Variants in PXDNL observed in about 807,000 individuals in gnomAD.
The protein encoded by PXDNL is probable oxidoreductase PXDNL.
A neutral mutation model predicts 150.8 loss-of-function variants in PXDNL; 145 were observed. The ratio of observed to expected loss-of-function variants is 0.96; its 90% CI spans 0.84 to 1.10. The LOEUF is 1.10. PXDNL is among the 50% of genes least tolerant of loss of function. The pLI, the probability that PXDNL is intolerant of heterozygous loss-of-function variation, is 0.00. For missense variants in PXDNL, 2,087 were observed against 1,873.9 expected, an observed-to-expected ratio of 1.11 and a Z score of -2.10; for synonymous variants, 757 against 725.7, an observed-to-expected ratio of 1.04 and a Z score of -0.69.
chr8:51,622,896 C>A (rs1814285468), intron 2 of PXDNL, among the ~76,000 whole-genome samples: 1 of 152,192 alleles, frequency 6.6e-6, no homozygotes, highest in Non-Finnish European at 1.5e-5. Flanking sequence ...GCCCAGCTCA[C>A]CCCAACATGG....
intron 12 of PXDNL, chr8:51,436,497 T>C: frequency 2.9e-6 from 1 of 339,660 alleles, no homozygotes. Flanking sequence ...AGATCCTTCT[T>C]CCATGTGATC....
At chr8:51,631,671 T>C (rs969567982) in intron 2 of PXDNL, among the ~76,000 whole-genome samples, 1 of 152,174 alleles carries the variant, frequency 6.6e-6, no homozygotes, top group Admixed American at 6.6e-5. Flanking sequence ...AGTCTTCTTT[T>C]GATTTCCCAT....
chr8:51,521,302 A>G (rs2915452), intron 4 of PXDNL, among the ~76,000 whole-genome samples: 2,313 of 147,738 alleles, frequency 0.016, 29 homozygotes, highest in South Asian at 0.037. Context: ...AAGACTAGAT[A>G]GATAATCTCA....
intron 2 of PXDNL, among the ~76,000 whole-genome samples, chr8:51,644,636 T>C (rs1167737456): frequency 6.6e-6 from 1 of 151,100 alleles, no homozygotes; most frequent in Non-Finnish European, 1.5e-5. Context: ...TTTTTGTATT[T>C]TTAGTAGAGA....
chr8:51,645,518 T>C (rs990775613), intron 2 of PXDNL, among the ~76,000 whole-genome samples: 6 of 152,208 alleles, frequency 3.9e-5, no homozygotes, highest in Non-Finnish European at 7.3e-5. Context: ...TAATTAGCTT[T>C]GGCTGTAGGT....
At chr8:51,801,679 G>A (rs532815476) in intron 1 of PXDNL, among the ~76,000 whole-genome samples, 71 of 152,308 alleles carry the variant, frequency 4.7e-4, no homozygotes, top group African/African-American at 1.6e-3. Context: ...AAAGAACAGT[G>A]TGCACAAAGC....
At chr8:51,473,478 A>G (rs147074896) in intron 7 of PXDNL, among the ~76,000 whole-genome samples, 148 of 152,290 alleles carry the variant, frequency 9.7e-4, no homozygotes, top group African/African-American at 3.2e-3. Flanking sequence ...GACCATTAAA[A>G]GAAGTAGAAT....
chr8:51,799,836 G>GT (rs576933691), intron 1 of PXDNL, among the ~76,000 whole-genome samples: 48 of 152,208 alleles, frequency 3.2e-4, no homozygotes, highest in African/African-American at 1.1e-3. Flanking sequence ...GGAGATCTTT[G>GT]TAAGTTTCTC....
Position 51,809,352 on chromosome 8 carries a change from TTC to T in PXDNL, c.-10_-9del, listed in dbSNP as rs774891241. 8 of 1,523,898 alleles carry T rather than the reference TTC, an allele frequency of 5.2e-6. No individual in the cohort carries two copies. The South Asian group carries it at 8.7e-5, about 17-fold the overall frequency. The allele number at this position is 1,523,898 out of a possible 1,614,324, so 94.4% of individuals were successfully genotyped here. ...GAACAGTCTGGGCTCCATCGCTCCA[TTC>T]GCTGCTGGCCACGCGAAGAAGCAGC... On this transcript the variant is annotated 5_prime_UTR_variant, in exon 1 of 23. Transcript: ENST00000356297.
chr8:51,395,918 G>A (rs1808067892), intron 17 of PXDNL, among the ~76,000 whole-genome samples: 1 of 152,102 alleles, frequency 6.6e-6, no homozygotes, highest in African/African-American at 2.4e-5. Context: ...CTGAGTAATG[G>A]GACTGTCACA....
At chr8:51,621,730 A>G (rs762361531) in intron 2 of PXDNL, among the ~76,000 whole-genome samples, 6 of 152,138 alleles carry the variant, frequency 3.9e-5, no homozygotes, top group Non-Finnish European at 7.4e-5. Flanking sequence ...ACTTGAGCCC[A>G]GGAGTTTGAG....
rs117650658 is a variant in PXDNL, at chr8:51,684,289, T to C, written c.165-29529A>G. On this transcript the variant is annotated intron_variant, in intron 1 of 22. Transcript: ENST00000356297. ...AAGACTAGGATTTACCAGGTCTGAT[T>C]AAGTATTCCATCGTCACCATGAACA... Among the ~76,000 whole-genome samples, 817 of 152,338 alleles carry C rather than the reference T, an allele frequency of 5.4e-3. 8 individuals are homozygous for C. The highest frequency in any genetic ancestry group is 0.014 in the Middle Eastern group (4 of 294).
chr8:51,556,987 C>T (rs1358565607), intron 3 of PXDNL, 76 bp from the exon 4 acceptor site: 1 of 852,486 alleles, frequency 1.2e-6, no homozygotes, highest in Non-Finnish European at 1.9e-6. Context: ...ACTTTTTAAA[C>T]TATAAGCTGT....
intron 14 of PXDNL, among the ~76,000 whole-genome samples, chr8:51,414,736 G>T (rs1343957902): frequency 6.6e-6 from 1 of 152,112 alleles, no homozygotes; most frequent in Non-Finnish European, 1.5e-5. Context: ...GACAATATTT[G>T]CAATCTCAAA....
chr8:51,576,570 CA>C (rs1402246228), intron 3 of PXDNL, among the ~76,000 whole-genome samples: 1 of 151,524 alleles, frequency 6.6e-6, no homozygotes, highest in African/African-American at 2.4e-5. Flanking sequence ...TATAAAAGAG[CA>C]AAAGTTTTGA....
chr8:51,692,184 A>G (rs1037969399), intron 1 of PXDNL, among the ~76,000 whole-genome samples: 1 of 152,208 alleles, frequency 6.6e-6, no homozygotes, highest in African/African-American at 2.4e-5. Context: ...AACGTGTGCT[A>G]TATTACAAAA....
At chr8:51,628,117 A>G (rs144323636) in intron 2 of PXDNL, among the ~76,000 whole-genome samples, 1 of 152,180 alleles carries the variant, frequency 6.6e-6, no homozygotes, top group Non-Finnish European at 1.5e-5. Context: ...TGCTGTGTAC[A>G]CTGGGAAATT....
intron 14 of PXDNL, among the ~76,000 whole-genome samples, chr8:51,417,613 C>G (rs73579694): frequency 2.6e-5 from 4 of 152,022 alleles, no homozygotes; most frequent in Non-Finnish European, 5.9e-5. Context: ...ATTTTTTATC[C>G]TCCCCCTTTT....
chr8:51,426,094 A>G (rs183600957), intron 13 of PXDNL, among the ~76,000 whole-genome samples: 16 of 152,308 alleles, frequency 1.1e-4, no homozygotes, highest in Admixed American at 4.6e-4. Context: ...GAGACCGACC[A>G]TTTTGTTTTG....
Sources: allele counts gnomAD v4.1 joint callset (sites outside exome capture counted in the v4.1 genomes callset), GRCh38; gene constraint gnomAD v4.1.1; transcripts MANE v1.5; gene names NCBI Gene and HGNC (gene_info 2026-07-23, HGNC 2026-07-21).